Variants in TBC1D19 observed in about 807,000 individuals in gnomAD.
The protein encoded by TBC1D19 is TBC1 domain family, member 19.
In TBC1D19, 60 loss-of-function variants were observed where a neutral mutation model predicts 89.0. The observed-to-expected ratio is 0.67, with a 90% CI of 0.55 to 0.84. The LOEUF is 0.84. Ranked by LOEUF, TBC1D19 falls within the 40% of genes least tolerant of loss-of-function variation. TBC1D19 has a pLI of 0.00. For missense variants in TBC1D19, 500 were observed against 610.8 expected (o/e 0.82, Z 1.91); for synonymous variants, 189 against 199.7 (o/e 0.95, Z 0.45).
the TBC1D19 span, among the ~76,000 whole-genome samples, chr4:26,831,298 A>C: frequency 6.6e-6 from 1 of 152,202 alleles, no homozygotes; most frequent in African/African-American, 2.4e-5. Flanking sequence ...GACTCTGAGA[A>C]ATGCAATCTC....
intron 3 of TBC1D19, among the ~76,000 whole-genome samples, chr4:26,615,358 G>T (rs979587391): frequency 6.6e-6 from 1 of 151,866 alleles, no homozygotes; most frequent in Admixed American, 6.6e-5. Context: ...TGGCAGCACC[G>T]TACTAAGCAC....
At chr4:26,618,919 T>G (rs577363297) in intron 3 of TBC1D19, among the ~76,000 whole-genome samples, 1 of 152,332 alleles carries the variant, frequency 6.6e-6, no homozygotes, top group African/African-American at 2.4e-5. Context: ...TGTATAAGTT[T>G]CTGTGCATTT....
At chr4:26,775,475 T>G in the TBC1D19 span, among the ~76,000 whole-genome samples, 1 of 151,904 alleles carries the variant, frequency 6.6e-6, no homozygotes, top group Non-Finnish European at 1.5e-5. Flanking sequence ...ACAAAGAAAT[T>G]TAATTGCCAA....
At chr4:26,666,437 G>T in intron 9 of TBC1D19, 32 bp downstream of exon 9, 1 of 1,570,252 alleles carries the variant, frequency 6.4e-7, no homozygotes. Flanking sequence ...TATAATTAAT[G>T]ATAAATGAGA....
At chr4:26,594,908 G>A (rs1740106809) in intron 1 of TBC1D19, among the ~76,000 whole-genome samples, 3 of 152,192 alleles carry the variant, frequency 2.0e-5, no homozygotes, top group African/African-American at 7.2e-5. Context: ...AAACCTTCAT[G>A]TGTAGGTTTT....
intron 13 of TBC1D19, among the ~76,000 whole-genome samples, chr4:26,690,431 A>G (rs76361034): frequency 0.021 from 3,219 of 152,326 alleles, 172 homozygotes; most frequent in Admixed American, 0.12. Context: ...AGAAAATGCC[A>G]TCTAGAACTT....
chr4:26,755,031 T>C lies in TBC1D19; in HGVS notation c.*84T>C. On this transcript the variant is annotated 3_prime_UTR_variant, in exon 21 of 21. Transcript: ENST00000264866. ...ATGCAAACTCTGCATAAAACCAAAATGAAACTTTGCATATAAGCCAATAAA... is the reference window on the plus strand; with the variant it reads ...ATGCAAACTCTGCATAAAACCAAAACGAAACTTTGCATATAAGCCAATAAA... The C allele has an allele frequency of 7.9e-7, 1 of 1,264,958 alleles. No homozygotes were observed. The highest frequency in any genetic ancestry group is 1.4e-5 in the South Asian group (1 of 69,400). The allele number at this position is 1,264,958 out of a possible 1,614,324, so 78.4% of individuals were successfully genotyped here.
intron 7 of TBC1D19, among the ~76,000 whole-genome samples, chr4:26,642,646 A>C (rs1743625908): frequency 6.6e-6 from 1 of 152,240 alleles, no homozygotes; most frequent in African/African-American, 2.4e-5. Context: ...AATTGGATAA[A>C]GAGTCAAGAC....
At chr4:26,721,310 A>G (rs551637291) in intron 15 of TBC1D19, among the ~76,000 whole-genome samples, 1 of 151,764 alleles carries the variant, frequency 6.6e-6, no homozygotes, top group Non-Finnish European at 1.5e-5. Context: ...ACAAAAACCC[A>G]CCTATTTCTC....
At chr4:26,579,410 GA>G (rs150498459), upstream of TBC1D19, among the ~76,000 whole-genome samples, 1,829 of 152,216 alleles carry the variant, frequency 0.012, 41 homozygotes, top group African/African-American at 0.042. Flanking sequence ...GTCTTCTTCG[GA>G]GCTTCTTGGA....
At chr4:26,776,747 A>G in the TBC1D19 span, among the ~76,000 whole-genome samples, 1 of 151,894 alleles carries the variant, frequency 6.6e-6, no homozygotes, top group Non-Finnish European at 1.5e-5. Context: ...CTTGGCTCAC[A>G]TTTTCTTTCC....
intron 13 of TBC1D19, among the ~76,000 whole-genome samples, chr4:26,716,342 C>T (rs1205493849): frequency 6.6e-6 from 1 of 151,940 alleles, no homozygotes; most frequent in Admixed American, 6.6e-5. Context: ...AGGTTGAATA[C>T]GTGTAGGTAA....
At chr4:26,709,641 A>G (rs776143063) in intron 13 of TBC1D19, among the ~76,000 whole-genome samples, 19 of 151,916 alleles carry the variant, frequency 1.3e-4, no homozygotes, top group Non-Finnish European at 2.6e-4. Flanking sequence ...TGGGTGATGC[A>G]TATATGCGGC....
the TBC1D19 span, among the ~76,000 whole-genome samples, chr4:26,772,538 G>T: frequency 1.3e-5 from 2 of 152,028 alleles, no homozygotes; most frequent in East Asian, 3.9e-4. Context: ...GTCTGCCATG[G>T]TGGTTTGCTG....
chr4:26,820,380 CTT>C, the TBC1D19 span, among the ~76,000 whole-genome samples: 1 of 152,154 alleles, frequency 6.6e-6, no homozygotes, highest in Non-Finnish European at 1.5e-5. Flanking sequence ...CTTTTGGCAT[CTT>C]TCTACTCTAT....
intron 7 of TBC1D19, among the ~76,000 whole-genome samples, chr4:26,642,483 T>C (rs978771800): frequency 1.2e-4 from 19 of 152,106 alleles, no homozygotes; most frequent in Non-Finnish European, 1.9e-4. Flanking sequence ...ACATGCCAAA[T>C]TGTAAAGACC....
rs114057621 is a variant in TBC1D19, at chr4:26,681,173, G to A, written c.817-2502G>A. On this transcript the variant is annotated intron_variant, in intron 11 of 20. Coordinates refer to ENST00000264866, the MANE Select transcript of TBC1D19 (RefSeq NM_018317.4). ...GAGTACATAGATAAAATGTGCTCTCGTGTTGCTGGTGGGAATTTGAATTGA... is the reference window on the plus strand; with the variant it reads ...GAGTACATAGATAAAATGTGCTCTCATGTTGCTGGTGGGAATTTGAATTGA... Among the ~76,000 whole-genome samples the A allele has an allele frequency of 3.6e-3, 555 of 152,214 alleles. 1 individual carries two copies. The highest frequency in any genetic ancestry group is 0.012 in the African/African-American group (517 of 41,538).
chr4:26,708,367 T>C (rs974619624), intron 13 of TBC1D19, among the ~76,000 whole-genome samples: 3 of 152,030 alleles, frequency 2.0e-5, no homozygotes, highest in African/African-American at 7.2e-5. Flanking sequence ...ATTTAATGAG[T>C]CATTACTGTC....
chr4:26,841,310 T>A, the TBC1D19 span, among the ~76,000 whole-genome samples: 6 of 149,980 alleles, frequency 4.0e-5, no homozygotes, highest in African/African-American at 1.5e-4. Flanking sequence ...TGCTTGAACC[T>A]GGGAGGTAGA....
Sources: gnomAD v4.1 joint callset for allele counts (sites outside exome capture counted in the v4.1 genomes callset) on GRCh38, gnomAD v4.1.1 for gene constraint, MANE v1.5 for transcripts, NCBI Gene and HGNC (gene_info 2026-07-23, HGNC 2026-07-21) for gene names.